The following CADM2 variants were observed in gnomAD, a reference collection of about 807,000 sequenced individuals.
CADM2 encodes cell adhesion molecule 2, also known as immunoglobulin superfamily member 4D.
CADM2 carries 12 observed loss-of-function variants against 49.8 expected under a neutral mutation model. The observed-to-expected ratio is 0.24, with a 90% CI of 0.15 to 0.39. The LOEUF (loss-of-function observed/expected upper bound fraction) is 0.39, where lower values mean the gene tolerates loss of function less well. Ranked by LOEUF, CADM2 falls within the 10% of genes least tolerant of loss-of-function variation. CADM2 has a pLI of 1.00. For synonymous variants in CADM2, 214 were observed against 175.4 expected, an observed-to-expected ratio of 1.22 and a Z score of -1.74; for missense variants, 378 against 492.3, an observed-to-expected ratio of 0.77 and a Z score of 2.20.
At chr3:85,571,062 G>A (rs554144126) in intron 1 of CADM2, among the ~76,000 whole-genome samples, 8 of 152,168 alleles carry the variant, frequency 5.3e-5, no homozygotes, top group South Asian at 2.1e-4. Context: ...GCTGATGGGC[G>A]GGTCTATTTT....
At chr3:85,727,084 G>A (rs762416817) in intron 2 of CADM2, among the ~76,000 whole-genome samples, 4 of 151,938 alleles carry the variant, frequency 2.6e-5, no homozygotes, top group Non-Finnish European at 4.4e-5. Context: ...CATGTCCAAC[G>A]CTGAAAATAA....
At chr3:85,945,773 G>C (rs533815447) in intron 7 of CADM2, among the ~76,000 whole-genome samples, 5 of 152,022 alleles carry the variant, frequency 3.3e-5, no homozygotes, top group South Asian at 4.1e-4. Context: ...TTGATGGGAC[G>C]TATCTCAAAA....
chr3:85,443,963 C>T (rs1226299928), intron 1 of CADM2, among the ~76,000 whole-genome samples: 1 of 152,094 alleles, frequency 6.6e-6, no homozygotes, highest in African/African-American at 2.4e-5. Context: ...ATCTGTTTTC[C>T]ATTCCACTAT....
At chr3:85,823,477 A>T (rs980339171) in intron 3 of CADM2, among the ~76,000 whole-genome samples, 4 of 152,198 alleles carry the variant, frequency 2.6e-5, no homozygotes, top group Non-Finnish European at 4.4e-5. Flanking sequence ...AAACCACATT[A>T]CTGATTTCTA....
chr3:86,069,603 C>T lies in CADM2; in HGVS notation c.*2820C>T, dbSNP rs1739664574. The T allele has an allele frequency of 6.6e-6, 1 of 151,920 alleles. No individual in the cohort carries two copies. The allele number at this position is 151,920 out of a possible 1,614,324, so 9.4% of individuals were successfully genotyped here. A position where few individuals can be genotyped will look rare whatever the true frequency, so the allele number is the denominator to read the frequency against. ...TTCTAAATGAGAATGATGTCAATTT[C>T]ATTGTCTGGAACATGCACACTTGTG... On this transcript the variant is annotated 3_prime_UTR_variant, in exon 10 of 10. Coordinates refer to ENST00000383699, the MANE Select transcript of CADM2 (RefSeq NM_001167675.2).
rs528584954 is a variant in CADM2, at chr3:85,878,289, C to A, written c.239-5002C>A. On this transcript the variant is annotated intron_variant, in intron 3 of 9. Coordinates refer to ENST00000383699, the MANE Select transcript of CADM2 (RefSeq NM_001167675.2). ...ACTGTGATGTAGCATAGGAGTTTTACCTCATAGAGGACTGAGACATATTTA... is the reference window on the plus strand; with the variant it reads ...ACTGTGATGTAGCATAGGAGTTTTAACTCATAGAGGACTGAGACATATTTA... Among the ~76,000 whole-genome samples, 4 of 152,084 alleles carry A rather than the reference C, an allele frequency of 2.6e-5. No individual in the cohort carries two copies. The East Asian group carries it at 7.7e-4, about 29-fold the overall frequency.
intron 3 of CADM2, among the ~76,000 whole-genome samples, chr3:85,820,847 A>G (rs565965352): frequency 8.5e-5 from 13 of 152,234 alleles, no homozygotes; most frequent in Non-Finnish European, 1.3e-4. Flanking sequence ...TCCATCAGTA[A>G]CCACAGGTTA....
At chr3:85,442,167 T>A (rs1308588857) in intron 1 of CADM2, among the ~76,000 whole-genome samples, 1 of 152,022 alleles carries the variant, frequency 6.6e-6, no homozygotes, top group Non-Finnish European at 1.5e-5. Context: ...ACCATGTTAG[T>A]CATCTCAGTA....
chr3:84,970,005 G>A (rs1189239866), intron 1 of CADM2, among the ~76,000 whole-genome samples: 1 of 147,816 alleles, frequency 6.8e-6, no homozygotes, highest in African/African-American at 2.5e-5. Context: ...GGAATTACAA[G>A]CTGACCTTGA....
intron 5 of CADM2, among the ~76,000 whole-genome samples, chr3:85,905,869 T>C (rs938929276): frequency 6.6e-6 from 1 of 152,148 alleles, no homozygotes; most frequent in Admixed American, 6.5e-5. Flanking sequence ...TTGTAATATA[T>C]TCAGAAACTT....
intron 2 of CADM2, among the ~76,000 whole-genome samples, chr3:85,760,005 C>T (rs2069297644): frequency 6.6e-6 from 1 of 152,096 alleles, no homozygotes; most frequent in South Asian, 2.1e-4. Flanking sequence ...AGAGACCCCT[C>T]CAGTACTTCT....
At chr3:85,762,658 G>T (rs527507324) in intron 2 of CADM2, among the ~76,000 whole-genome samples, 29 of 146,038 alleles carry the variant, frequency 2.0e-4, no homozygotes, top group Non-Finnish European at 2.9e-4. Flanking sequence ...TAAAGTTTTT[G>T]TTCTTTTCAT....
intron 1 of CADM2, among the ~76,000 whole-genome samples, chr3:85,095,330 A>G (rs930929482): frequency 6.6e-6 from 1 of 152,120 alleles, no homozygotes; most frequent in African/African-American, 2.4e-5. Context: ...TATGTATCTC[A>G]TGAGGTGGTC....
At chr3:85,200,414 C>T (rs966133325) in intron 1 of CADM2, among the ~76,000 whole-genome samples, 10 of 151,872 alleles carry the variant, frequency 6.6e-5, no homozygotes, top group African/African-American at 2.4e-4. Flanking sequence ...AGTTGGAGTT[C>T]TCAGTTTGGT....
At chr3:85,144,160 C>G (rs1422695507) in intron 1 of CADM2, among the ~76,000 whole-genome samples, 1 of 152,064 alleles carries the variant, frequency 6.6e-6, no homozygotes, top group Non-Finnish European at 1.5e-5. Context: ...GACCATACTC[C>G]TGACCCACTA....
At chr3:86,020,884 C>A (rs1483336717) in intron 8 of CADM2, among the ~76,000 whole-genome samples, 2 of 152,094 alleles carry the variant, frequency 1.3e-5, no homozygotes, top group African/African-American at 4.8e-5. Flanking sequence ...CAATATCATA[C>A]TGAATGGGCA....
At chr3:85,627,572 T>C (rs552618815) in intron 1 of CADM2, among the ~76,000 whole-genome samples, 5 of 152,038 alleles carry the variant, frequency 3.3e-5, no homozygotes, top group Non-Finnish European at 7.4e-5. Flanking sequence ...GACTAAGAAA[T>C]GACCAACTAT....
intron 1 of CADM2, among the ~76,000 whole-genome samples, chr3:85,685,225 C>G (rs2066167073): frequency 6.6e-6 from 1 of 152,140 alleles, no homozygotes; most frequent in Non-Finnish European, 1.5e-5. Flanking sequence ...ATTTCAGACC[C>G]GTTGGTCTAA....
intron 1 of CADM2, among the ~76,000 whole-genome samples, chr3:85,272,768 A>C (rs528635985): frequency 1.3e-5 from 2 of 151,234 alleles, no homozygotes; most frequent in Admixed American, 6.6e-5. Flanking sequence ...TCCTGTGCTT[A>C]TTCGTCCATT....
Sources: allele counts gnomAD v4.1 joint callset (sites outside exome capture counted in the v4.1 genomes callset), GRCh38; gene constraint gnomAD v4.1.1; transcripts MANE v1.5; gene names NCBI Gene and HGNC (gene_info 2026-07-23, HGNC 2026-07-21).